NTN4: variants seen among roughly 807,000 people sequenced by gnomAD.
NTN4 encodes netrin 4, also known as netrin-4.
NTN4 carries 32 observed loss-of-function variants against 73.6 expected under a neutral mutation model. The observed-to-expected ratio is 0.44, with a 90% confidence interval of 0.33 to 0.58. The LOEUF is 0.58. Among genes scored for constraint, NTN4 ranks in the 20% least tolerant of loss-of-function variants. NTN4 has a pLI of 0.04. For synonymous variants in NTN4, 258 were observed against 287.5 expected (o/e 0.90, Z 1.04); for missense variants, 654 against 798.3 (o/e 0.82, Z 2.18).
intron 5 of NTN4, among the ~76,000 whole-genome samples, chr12:95,685,018 C>T (rs926149835): frequency 1.1e-4 from 17 of 152,090 alleles, no homozygotes; most frequent in South Asian, 2.1e-4. Context: ...TACAGGCACA[C>T]GCCACTACGC....
chr12:95,692,663 A>G (rs1051193832), intron 5 of NTN4, among the ~76,000 whole-genome samples: 1 of 152,224 alleles, frequency 6.6e-6, no homozygotes, highest in Non-Finnish European at 1.5e-5. Context: ...GTGTGTGCAT[A>G]AGGCTCTAAA....
chr12:95,690,729 T>C (rs76552516), intron 5 of NTN4, among the ~76,000 whole-genome samples: 6,894 of 152,166 alleles, frequency 0.045, 535 homozygotes, highest in African/African-American at 0.16. Context: ...AATTTTGAGA[T>C]GACGAAACCT....
chr12:95,731,493 G>C (rs1441092855), intron 3 of NTN4, among the ~76,000 whole-genome samples: 1 of 152,152 alleles, frequency 6.6e-6, no homozygotes, highest in Non-Finnish European at 1.5e-5. Flanking sequence ...TTGAATCTGG[G>C]AGGCAGAGGT....
intron 5 of NTN4, among the ~76,000 whole-genome samples, chr12:95,695,812 A>G (rs938144636): frequency 6.6e-6 from 1 of 152,206 alleles, no homozygotes; most frequent in African/African-American, 2.4e-5. Flanking sequence ...CCAATTTTAT[A>G]TTCTTGATTT....
Position 95,737,862 on chromosome 12 carries a change from C to G in NTN4, c.864+4G>C. The G allele has an allele frequency of 1.2e-6, 2 of 1,603,416 alleles. No individual in the cohort carries two copies. The highest frequency in any genetic ancestry group is 1.7e-6 in the Non-Finnish European group (2 of 1,172,890). The stretch of plus-strand genomic sequence containing the variant: ...TTTCTTAGGGGAGGACTTGTTTCAC[C>G]TACCATGTGGAATGTTCCTGGGGCC... On this transcript the variant is annotated splice_donor_region_variant and intron_variant, in intron 3 of 9. Coordinates refer to ENST00000343702, the MANE Select transcript of NTN4 (RefSeq NM_021229.4).
intron 2 of NTN4, among the ~76,000 whole-genome samples, chr12:95,757,362 T>C (rs1186427330): frequency 1.3e-5 from 2 of 152,128 alleles, no homozygotes; most frequent in Non-Finnish European, 2.9e-5. Flanking sequence ...GCAGAGCCAG[T>C]ACTTGAACCC....
intron 2 of NTN4, among the ~76,000 whole-genome samples, chr12:95,772,987 T>C (rs2079067669): frequency 1.5e-5 from 1 of 66,664 alleles, no homozygotes; most frequent in African/African-American, 7.1e-5. Flanking sequence ...CTCCAATGGC[T>C]TTTTTTTTTC....
chr12:95,777,095 A>G (rs1223961577), intron 2 of NTN4, among the ~76,000 whole-genome samples: 1 of 152,226 alleles, frequency 6.6e-6, no homozygotes, highest in Non-Finnish European at 1.5e-5. Flanking sequence ...AAAATCCTTT[A>G]CAGACAAGCA....
chr12:95,682,209 A>G (rs888170251), intron 7 of NTN4, among the ~76,000 whole-genome samples: 1 of 151,706 alleles, frequency 6.6e-6, no homozygotes, highest in African/African-American at 2.4e-5. Context: ...GGCGTGCACC[A>G]CCACACTGGG....
intron 5 of NTN4, among the ~76,000 whole-genome samples, chr12:95,684,264 G>A (rs532657841): frequency 1.3e-5 from 2 of 152,178 alleles, no homozygotes; most frequent in South Asian, 4.2e-4. Flanking sequence ...GGGAGTAGAG[G>A]AATTTGAGCA....
chr12:95,666,897 C>A (rs1316998321), intron 8 of NTN4, among the ~76,000 whole-genome samples: 1 of 152,172 alleles, frequency 6.6e-6, no homozygotes, highest in Non-Finnish European at 1.5e-5. Flanking sequence ...CTGGACCACA[C>A]ATAAAGTACA....
chr12:95,689,509 A>G lies in NTN4; in HGVS notation c.1181-5798T>C, dbSNP rs188327469. Among the ~76,000 whole-genome samples the G allele has an allele frequency of 1.7e-4, 26 of 152,204 alleles. No homozygotes were observed. The East Asian group carries it at 5.0e-3, about 29-fold the overall frequency. ...TTCAAAATTCTATATGTCCTTCAAA[A>G]CCTATATCTAATGTCACCCCTAAGG... On this transcript the variant is annotated intron_variant, in intron 5 of 9. Coordinates refer to ENST00000343702, the MANE Select transcript of NTN4 (RefSeq NM_021229.4).
At chr12:95,683,352 A>ACG (rs2078334047) in intron 6 of NTN4, 146 bp downstream of exon 6, 1 of 760,276 alleles carries the variant, frequency 1.3e-6, no homozygotes, top group Non-Finnish European at 2.1e-6. Flanking sequence ...GTGAGCCACC[A>ACG]CGCCCAGCCT....
intron 2 of NTN4, among the ~76,000 whole-genome samples, chr12:95,784,242 T>C (rs913111859): frequency 3.3e-5 from 5 of 152,204 alleles, no homozygotes; most frequent in Non-Finnish European, 7.3e-5. Context: ...CTGATTTATA[T>C]ATATTCTAAC....
intron 3 of NTN4, among the ~76,000 whole-genome samples, chr12:95,722,084 T>C (rs1047170131): frequency 6.6e-6 from 1 of 151,842 alleles, no homozygotes; most frequent in African/African-American, 2.4e-5. Flanking sequence ...TTTTTTTTTT[T>C]TGGTAGTATT....
chr12:95,701,759 TCTC>T (rs2078486503), intron 5 of NTN4, among the ~76,000 whole-genome samples: 2 of 151,960 alleles, frequency 1.3e-5, no homozygotes, highest in Non-Finnish European at 2.9e-5. Flanking sequence ...GGAGGAAAAA[TCTC>T]CTAGAACATT....
chr12:95,759,497 T>TTG (rs1555220809), intron 2 of NTN4, among the ~76,000 whole-genome samples: 2 of 150,282 alleles, frequency 1.3e-5, no homozygotes, highest in African/African-American at 5.0e-5. Flanking sequence ...TTTTGTTTTT[T>TTG]TTTTTTTTTG....
chr12:95,786,191 T>C (rs968372453), intron 2 of NTN4, among the ~76,000 whole-genome samples: 1 of 152,226 alleles, frequency 6.6e-6, no homozygotes, highest in African/African-American at 2.4e-5. Context: ...AGTATTATAT[T>C]CTCTTAATCT....
At chr12:95,786,912 A>C (rs1410906787) in intron 2 of NTN4, 27 bp downstream of exon 2, 2 of 1,587,810 alleles carry the variant, frequency 1.3e-6, no homozygotes, top group Non-Finnish European at 1.7e-6. Context: ...TCTTACTTAC[A>C]GTGTAGAGTT....
Sources: allele counts gnomAD v4.1 joint callset (sites outside exome capture counted in the v4.1 genomes callset), GRCh38; gene constraint gnomAD v4.1.1; transcripts MANE v1.5; gene names NCBI Gene and HGNC (gene_info 2026-07-23, HGNC 2026-07-21).